Variants in NR6A1 observed in about 807,000 individuals in gnomAD.
The protein encoded by NR6A1 is retinoic acid receptor-related testis-associated receptor.
A neutral mutation model predicts 59.1 loss-of-function variants in NR6A1; 7 were observed. That is an observed-to-expected ratio of 0.12 (90% CI 0.07 to 0.22). NR6A1 has a LOEUF of 0.22. Ranked by LOEUF, NR6A1 falls within the 10% of genes least tolerant of loss-of-function variation. NR6A1 has a pLI of 1.00. For synonymous variants in NR6A1, 243 were observed against 236.1 expected, an observed-to-expected ratio of 1.03 and a Z score of -0.27; for missense variants, 468 against 611.6, an observed-to-expected ratio of 0.77 and a Z score of 2.48.
At chr9:124,663,153 T>C (rs201477111) in intron 2 of NR6A1, among the ~76,000 whole-genome samples, 28 of 152,282 alleles carry the variant, frequency 1.8e-4, no homozygotes, top group South Asian at 1.0e-3. Context: ...CAGTGCATCA[T>C]AGCCTTCGAT....
At chr9:124,694,870 A>T (rs956225369) in intron 2 of NR6A1, among the ~76,000 whole-genome samples, 1 of 152,236 alleles carries the variant, frequency 6.6e-6, no homozygotes, top group African/African-American at 2.4e-5. Context: ...AAGAGAAATC[A>T]AAGCCAAAAG....
At chr9:124,608,478 C>T (rs1052954542) in intron 2 of NR6A1, among the ~76,000 whole-genome samples, 1 of 152,134 alleles carries the variant, frequency 6.6e-6, no homozygotes, top group Non-Finnish European at 1.5e-5. Flanking sequence ...TAATCCTATT[C>T]TTTTTTATGG....
At chr9:124,732,931 A>C (rs1283298322) in intron 2 of NR6A1, among the ~76,000 whole-genome samples, 1 of 152,174 alleles carries the variant, frequency 6.6e-6, no homozygotes, top group Non-Finnish European at 1.5e-5. Flanking sequence ...TTCTGACTTC[A>C]GGTGATCCAC....
At chr9:124,525,101 G>C (rs1032896851) in intron 8 of NR6A1, among the ~76,000 whole-genome samples, 1 of 152,116 alleles carries the variant, frequency 6.6e-6, no homozygotes, top group Admixed American at 6.6e-5. Flanking sequence ...AGAGCCCCTC[G>C]AGGGTTAAGG....
chr9:124,649,233 C>CA (rs78432505), intron 2 of NR6A1, among the ~76,000 whole-genome samples: 6,096 of 41,646 alleles, frequency 0.15, 492 homozygotes, highest in Non-Finnish European at 0.18. Context: ...GGTACTGGCA[C>CA]AAAAAAAAAA....
At position 124,666,048 on chromosome 9, in the gene NR6A1, C is replaced by G. The variant is rs2130954651; in HGVS notation, c.142+67260G>C. 2.0e-5 allele frequency among the ~76,000 whole-genome samples: 3 copies of G among 152,170 alleles called. 1 individual carries two copies. The Middle Eastern group carries it at 0.01, about 518-fold the overall frequency. Reference sequence around the variant, plus strand: ...ATTAAGAAATTTATATTCCAGTTACCTGATATTAAAGATGTTGGATTTCCA... The same window carrying G: ...ATTAAGAAATTTATATTCCAGTTACGTGATATTAAAGATGTTGGATTTCCA... On this transcript the variant is annotated intron_variant, in intron 2 of 9. Coordinates refer to ENST00000487099, the MANE Select transcript of NR6A1 (RefSeq NM_033334.4).
chr9:124,611,732 A>G (rs1835748469), intron 2 of NR6A1, among the ~76,000 whole-genome samples: 1 of 149,362 alleles, frequency 6.7e-6, no homozygotes. Flanking sequence ...CCTGCACAAC[A>G]GAGTGAGACC....
chr9:124,602,779 C>T lies in NR6A1; in HGVS notation c.143-48209G>A, dbSNP rs988516082. Among the ~76,000 whole-genome samples the T allele has an allele frequency of 5.3e-5, 8 of 152,198 alleles. 1 individual carries two copies. The highest frequency in any genetic ancestry group is 1.0e-4 in the Non-Finnish European group (7 of 68,030). ...GTGGCATGATCTCATTGAGTCCCAT[C>T]AGTGGTTCCCAGGAACCTATGGTAT... On this transcript the variant is annotated intron_variant, in intron 2 of 9. Transcript: ENST00000487099.
chr9:124,723,849 A>G (rs1450880029), intron 2 of NR6A1, among the ~76,000 whole-genome samples: 2 of 152,222 alleles, frequency 1.3e-5, no homozygotes, highest in African/African-American at 4.8e-5. Flanking sequence ...CCAAGATTAC[A>G]GTGAAGCCAA....
intron 2 of NR6A1, chr9:124,607,199 C>T (rs1208275400): frequency 1.3e-5 from 2 of 152,108 alleles, no homozygotes; most frequent in African/African-American, 2.4e-5. Flanking sequence ...CAGCCACTCA[C>T]GAGGCTGAGG....
At chr9:124,674,295 C>T (rs1588769262) in intron 2 of NR6A1, among the ~76,000 whole-genome samples, 1 of 152,198 alleles carries the variant, frequency 6.6e-6, no homozygotes, top group South Asian at 2.1e-4. Context: ...TTACCCCTTA[C>T]ACTCTTTGGG....
intron 2 of NR6A1, among the ~76,000 whole-genome samples, chr9:124,642,701 T>C (rs1836800896): frequency 6.6e-6 from 1 of 151,982 alleles, no homozygotes; most frequent in African/African-American, 2.4e-5. Context: ...AAAATAACTG[T>C]GGGGCAGGGT....
chr9:124,713,265 A>C (rs1175838755), intron 2 of NR6A1, among the ~76,000 whole-genome samples: 1 of 152,162 alleles, frequency 6.6e-6, no homozygotes, highest in African/African-American at 2.4e-5. Context: ...AAATCGATCA[A>C]AGACTTAAAC....
chr9:124,624,929 T>TTC (rs1564206406), intron 2 of NR6A1, among the ~76,000 whole-genome samples: 1 of 151,520 alleles, frequency 6.6e-6, no homozygotes, highest in African/African-American at 2.4e-5. Flanking sequence ...TTTTTTTTTT[T>TTC]CTACCAACCT....
intron 2 of NR6A1, among the ~76,000 whole-genome samples, chr9:124,706,544 G>A (rs990195844): frequency 2.0e-5 from 3 of 150,148 alleles, no homozygotes; most frequent in African/African-American, 7.3e-5. Flanking sequence ...AGATAGTCTC[G>A]CCCTGTCGCC....
intron 2 of NR6A1, among the ~76,000 whole-genome samples, chr9:124,586,732 A>G (rs1409692504): frequency 3.9e-5 from 6 of 152,188 alleles, no homozygotes; most frequent in African/African-American, 1.2e-4. Flanking sequence ...TACAGGTGCA[A>G]GCCACCACAC....
chr9:124,686,639 A>G (rs1234027329), intron 2 of NR6A1, among the ~76,000 whole-genome samples: 3 of 152,150 alleles, frequency 2.0e-5, no homozygotes, highest in Non-Finnish European at 4.4e-5. Context: ...CTAAAATAGT[A>G]ATACCTCAAA....
chr9:124,598,738 C>T, intron 2 of NR6A1: 3 of 892,228 alleles, frequency 3.4e-6, no homozygotes, highest in Non-Finnish European at 3.6e-6. Context: ...CCTTGGTCTT[C>T]TCCCTTCTCC....
chr9:124,695,074 G>A lies in NR6A1; in HGVS notation c.142+38234C>T, dbSNP rs143859861. On this transcript the variant is annotated intron_variant, in intron 2 of 9. Coordinates refer to ENST00000487099, the MANE Select transcript of NR6A1 (RefSeq NM_033334.4). The stretch of plus-strand genomic sequence containing the variant: ...AAATAAAGTTCACTAGCTTAACATC[G>A]GCTTCCTGCCCCCATCCCACCACCA... 2.3e-3 allele frequency among the ~76,000 whole-genome samples: 350 copies of A among 152,200 alleles called. 1 individual carries two copies. Among genetic ancestry groups the A allele is most frequent in the African/African-American group, 8.0e-3 (331 of 41,524 alleles).
Sources: allele counts gnomAD v4.1 joint callset (sites outside exome capture counted in the v4.1 genomes callset), GRCh38; gene constraint gnomAD v4.1.1; transcripts MANE v1.5; gene names NCBI Gene and HGNC (gene_info 2026-07-23, HGNC 2026-07-21).